The following TMEM143 variants were observed in gnomAD, a reference collection of about 807,000 sequenced individuals.
TMEM143 encodes transmembrane protein 143.
A neutral mutation model predicts 40.3 loss-of-function variants in TMEM143; 45 were observed. The observed-to-expected ratio is 1.12, with a 90% confidence interval of 0.88 to 1.43. TMEM143 has a LOEUF of 1.43. Ranked by LOEUF, TMEM143 falls within the 40% of genes most tolerant of loss-of-function variation. The pLI is 0.00. For synonymous variants in TMEM143, 299 were observed against 282.7 expected (o/e 1.06, Z -0.58); for missense variants, 620 against 613.4 (o/e 1.01, Z -0.11).
intron 3 of TMEM143, among the ~76,000 whole-genome samples, chr19:48,356,575 A>G (rs1384377831): frequency 2.7e-5 from 4 of 146,928 alleles, no homozygotes; most frequent in African/African-American, 1.0e-4. Context: ...GATTATAGAC[A>G]TGCGCTACCA....
At chr19:48,361,760 C>G (rs1240162822) in intron 2 of TMEM143, among the ~76,000 whole-genome samples, 9 of 151,880 alleles carry the variant, frequency 5.9e-5, no homozygotes, top group Admixed American at 5.9e-4. Context: ...ATCTCCTGAC[C>G]TCGTGATCTG....
rs547730014 is a variant in TMEM143 at position 48,353,343 on chromosome 19, C to A, written c.369+6729G>T. The stretch of plus-strand genomic sequence containing the variant: ...TACAGGCGCCAGCCACCATGCCCAG[C>A]TAATTTTTTTTTTGTATTTTAGTAG... On this transcript the variant is annotated intron_variant, in intron 3 of 7. Transcript: ENST00000293261. 2.6e-5 allele frequency among the ~76,000 whole-genome samples: 4 copies of A among 151,750 alleles called. No homozygotes were observed. In the East Asian group the frequency reaches 7.7e-4, roughly 29 times the overall value.
At chr19:48,356,221 G>GCACC in intron 3 of TMEM143, among the ~76,000 whole-genome samples, 4 of 150,818 alleles carry the variant, frequency 2.7e-5, no homozygotes, top group Admixed American at 2.0e-4. Flanking sequence ...GGGTTCAAGT[G>GCACC]ATTCTCCTTC....
intron 3 of TMEM143, among the ~76,000 whole-genome samples, chr19:48,350,903 C>T (rs1969753159): frequency 1.8e-5 from 2 of 109,410 alleles, no homozygotes; most frequent in Admixed American, 3.0e-4. Flanking sequence ...GCCTGGGAGA[C>T]AGTGAGACTA....
intron 6 of TMEM143, among the ~76,000 whole-genome samples, chr19:48,334,435 TTTCTTTCTTTC>T (rs1969304032): frequency 2.7e-5 from 1 of 37,042 alleles, no homozygotes; most frequent in Non-Finnish European, 6.0e-5. Flanking sequence ...TCTTTCTTTC[TTTCTTTCTTTC>T]TTTCTTTCTT....
chr19:48,351,072 C>G (rs1250769310), intron 3 of TMEM143, among the ~76,000 whole-genome samples: 1 of 152,026 alleles, frequency 6.6e-6, no homozygotes, highest in East Asian at 1.9e-4. Context: ...GTCCAGATAT[C>G]TCGCTTGAGC....
chr19:48,333,921 G>C lies in TMEM143; in HGVS notation c.1165+87C>G. On this transcript the variant is annotated intron_variant, in intron 7 of 7. Coordinates refer to ENST00000293261, the MANE Select transcript of TMEM143 (RefSeq NM_018273.4). The surrounding 1 kb of genome is among the most constrained non-coding windows in gnomAD (Gnocchi z 4.1). ...CGCAAACCCGTCAGGTTCACCCGTG[G>C]GAACTGGGGGTGGGGACGCATCTCG... 1 of 1,375,092 alleles carries C rather than the reference G, an allele frequency of 7.3e-7. No homozygotes were observed. The highest frequency in any genetic ancestry group is 9.6e-7 in the Non-Finnish European group (1 of 1,040,434). 85.2% of individuals were successfully genotyped at this position (1,375,092 alleles called of 1,614,324 possible). A position where few individuals can be genotyped will look rare whatever the true frequency, so the allele number is the denominator to read the frequency against.
Position 48,348,842 on chromosome 19 carries a change from A to G in TMEM143, c.370-3488T>C, listed in dbSNP as rs746082179. Among the ~76,000 whole-genome samples the G allele has an allele frequency of 3.1e-4, 47 of 152,306 alleles. 1 individual carries two copies. Among genetic ancestry groups the G allele is most frequent in the Non-Finnish European group, 4.7e-4 (32 of 68,030 alleles). On this transcript the variant is annotated intron_variant, in intron 3 of 7. Transcript: ENST00000293261. ...CCTAGTAGGGCCTGCAAGGCCTCAC[A>G]GGACCGTAAATCCCCTCGGTCACTC...
intron 3 of TMEM143, chr19:48,359,835 C>T (rs955979647): frequency 5.0e-5 from 24 of 478,060 alleles, no homozygotes; most frequent in East Asian, 2.8e-4. Flanking sequence ...CTCACTACTC[C>T]GCCTCATTGT....
At chr19:48,359,947 A>C in intron 3 of TMEM143, 125 bp downstream of exon 3, 1 of 874,768 alleles carries the variant, frequency 1.1e-6, no homozygotes, top group East Asian at 2.6e-5. Context: ...TTCACCTGTC[A>C]TGTTCACTAT....
Position 48,342,385 on chromosome 19 carries a change from G to A in TMEM143, c.975+145C>T, listed in dbSNP as rs1231154739. 4.0e-6 allele frequency: 3 copies of A among 744,788 alleles called. No individual in the cohort carries two copies. In the Admixed American group the frequency reaches 1.3e-4, roughly 32 times the overall value. The allele number at this position is 744,788 out of a possible 1,614,324, so 46.1% of individuals were successfully genotyped here. A position where few individuals can be genotyped will look rare whatever the true frequency, so the allele number is the denominator to read the frequency against. On this transcript the variant is annotated intron_variant, in intron 6 of 7. Transcript: ENST00000293261. ...GGGAGGGAAGGGAAGGGAAAGAAAA[G>A]AGGAAGAATGGGAAGGAAGGAAGGG...
rs1969845534 is a variant in TMEM143 at position 48,354,581 on chromosome 19, C to T, written c.369+5491G>A. ...TGCCCGGCCAAATTTCACTTCTGTACCTTGTTGCTGGTCTCTTCCTCAGTA... is the reference window on the plus strand; with the variant it reads ...TGCCCGGCCAAATTTCACTTCTGTATCTTGTTGCTGGTCTCTTCCTCAGTA... On this transcript the variant is annotated intron_variant, in intron 3 of 7. Transcript: ENST00000293261. Among the ~76,000 whole-genome samples the T allele has an allele frequency of 1.3e-5, 2 of 152,146 alleles. 1 individual carries two copies. Among genetic ancestry groups the T allele is most frequent in the South Asian group, 4.1e-4 (2 of 4,834 alleles).
chr19:48,344,771 A>C (rs897519230), intron 4 of TMEM143, among the ~76,000 whole-genome samples: 20 of 151,816 alleles, frequency 1.3e-4, no homozygotes, highest in African/African-American at 4.6e-4. Context: ...CAATGGCACG[A>C]TCTCAGCTCA....
chr19:48,348,872 C>T (rs949404916), intron 3 of TMEM143, among the ~76,000 whole-genome samples: 1 of 152,162 alleles, frequency 6.6e-6, no homozygotes, highest in African/African-American at 2.4e-5. Flanking sequence ...TCACTCCATA[C>T]CATCCAGACT....
At chr19:48,348,193 G>A (rs960337213) in intron 3 of TMEM143, among the ~76,000 whole-genome samples, 2 of 152,122 alleles carry the variant, frequency 1.3e-5, no homozygotes, top group African/African-American at 2.4e-5. Context: ...CAGTTTGAAA[G>A]CTGGAGAAAG....
At chr19:48,363,714 C>T (rs958978607) in intron 1 of TMEM143, 183 bp from the exon 2 acceptor site, 2 of 1,363,214 alleles carry the variant, frequency 1.5e-6, no homozygotes, top group South Asian at 1.4e-5. Flanking sequence ...GGGTCCCAGA[C>T]AGGGGTCAGA....
chr19:48,344,336 C>T (rs911950650), intron 4 of TMEM143, among the ~76,000 whole-genome samples: 5 of 150,946 alleles, frequency 3.3e-5, no homozygotes, highest in African/African-American at 1.2e-4. Flanking sequence ...GGCTGGAGTG[C>T]AGTGGCAAGA....
At chr19:48,355,176 G>A (rs1038189258) in intron 3 of TMEM143, among the ~76,000 whole-genome samples, 3 of 151,642 alleles carry the variant, frequency 2.0e-5, no homozygotes, top group South Asian at 2.1e-4. Flanking sequence ...CTGGGACTAC[G>A]GGCACCCCCC....
At chr19:48,348,443 G>A in intron 3 of TMEM143, among the ~76,000 whole-genome samples, 1 of 152,112 alleles carries the variant, frequency 6.6e-6, no homozygotes, top group East Asian at 1.9e-4. Context: ...GCCTGGGTGA[G>A]CCCAACAGCC....
Sources: allele counts gnomAD v4.1 joint callset (sites outside exome capture counted in the v4.1 genomes callset), GRCh38; gene constraint gnomAD v4.1.1; non-coding constraint Gnocchi (gnomAD v3.1); transcripts MANE v1.5; gene names NCBI Gene and HGNC (gene_info 2026-07-23, HGNC 2026-07-21).